Variants in PAK5 observed in about 807,000 individuals in gnomAD.
The protein encoded by PAK5 is p21 (RAC1) activated kinase 5.
Under a neutral mutation model 65.9 loss-of-function variants are expected in PAK5, and 16 were observed. The observed-to-expected ratio is 0.24, with a 90% CI of 0.16 to 0.37. PAK5 has a LOEUF of 0.37. PAK5 is among the 10% of genes least tolerant of loss of function. PAK5 has a pLI of 1.00. For missense variants in PAK5, 785 were observed against 903.9 expected (o/e 0.87, Z 1.69); for synonymous variants, 371 against 354.9 (o/e 1.05, Z -0.51).
At chr20:9,745,578 A>C (rs1017791577) in intron 1 of PAK5, among the ~76,000 whole-genome samples, 2 of 152,092 alleles carry the variant, frequency 1.3e-5, no homozygotes, top group Non-Finnish European at 2.9e-5. Flanking sequence ...TGGGTACTCT[A>C]TATTATTTTC....
At chr20:9,656,371 T>C (rs1407549136) in intron 2 of PAK5, among the ~76,000 whole-genome samples, 6 of 152,068 alleles carry the variant, frequency 3.9e-5, no homozygotes. Flanking sequence ...ATCAGCAGCA[T>C]GTGACAGGAA....
intron 1 of PAK5, among the ~76,000 whole-genome samples, chr20:9,769,869 G>A (rs2048813303): frequency 6.6e-6 from 1 of 152,216 alleles, no homozygotes; most frequent in African/African-American, 2.4e-5. Flanking sequence ...TATAGAGAAA[G>A]GAGCTCTTTA....
At chr20:9,703,482 G>T (rs545339584) in intron 2 of PAK5, among the ~76,000 whole-genome samples, 1 of 152,256 alleles carries the variant, frequency 6.6e-6, no homozygotes, top group East Asian at 1.9e-4. Context: ...GCTGTGCAGG[G>T]GATTGAGGCC....
intron 3 of PAK5, among the ~76,000 whole-genome samples, chr20:9,605,111 G>A (rs2046429241): frequency 6.6e-6 from 1 of 152,184 alleles, no homozygotes; most frequent in Admixed American, 6.5e-5. Context: ...TAATGCTGTG[G>A]GCAACTGGGC....
Position 9,717,636 on chromosome 20 carries a change from C to A in PAK5, c.-161-6201G>T, listed in dbSNP as rs184908189. Among the ~76,000 whole-genome samples the A allele has an allele frequency of 6.2e-4, 95 of 152,200 alleles. 1 individual carries two copies. The highest frequency in any genetic ancestry group is 2.2e-3 in the African/African-American group (93 of 41,534). On this transcript the variant is annotated intron_variant, in intron 1 of 9. Transcript: ENST00000353224. ...TCTTGTTTTGTTTTGTTTTTGAGAC[C>A]AAGGACCAAGTCTCATTCTGTTGCC... is the stretch of plus-strand genomic sequence containing the variant.
intron 1 of PAK5, among the ~76,000 whole-genome samples, chr20:9,748,649 G>C (rs1489921401): frequency 6.6e-6 from 1 of 152,048 alleles, no homozygotes; most frequent in Non-Finnish European, 1.5e-5. Context: ...CAAATCTTAA[G>C]TGTATGGCTC....
chr20:9,640,899 A>G (rs1396051000), intron 3 of PAK5, among the ~76,000 whole-genome samples: 2 of 152,220 alleles, frequency 1.3e-5, no homozygotes, highest in East Asian at 3.9e-4. Flanking sequence ...GTGGCCCCGA[A>G]GAGTGAGCAG....
chr20:9,715,505 A>C (rs983065226), intron 1 of PAK5, among the ~76,000 whole-genome samples: 1 of 152,178 alleles, frequency 6.6e-6, no homozygotes, highest in South Asian at 2.1e-4. Context: ...TCAGGGATCT[A>C]GAACTAGAAA....
At position 9,542,246 on chromosome 20, in the gene PAK5, G is replaced by A. The variant is rs148343366; in HGVS notation, c.2004+340C>T. Among the ~76,000 whole-genome samples, 521 of 152,166 alleles carry A rather than the reference G, an allele frequency of 3.4e-3. 2 individuals are homozygous for A. The highest frequency in any genetic ancestry group is 0.012 in the African/African-American group (504 of 41,522). ...AGTCAGAAAAGCTGGGGTCATGCAC[G>A]GTGACATCCCAAGCTATTAGATGTC... On this transcript the variant is annotated intron_variant, in intron 9 of 9. Coordinates refer to ENST00000353224, the MANE Select transcript of PAK5 (RefSeq NM_177990.4).
rs544678417 is a variant in PAK5, at chr20:9,799,095, G to C, written c.-162+39667C>G. ...GAATAAAAACTAGATAAGTAGTGAA[G>C]TCATCCTTTATAGATATCTATCTCA... is the stretch of plus-strand genomic sequence containing the variant. On this transcript the variant is annotated intron_variant, in intron 1 of 9. Transcript: ENST00000353224. 7.2e-5 allele frequency among the ~76,000 whole-genome samples: 11 copies of C among 152,244 alleles called. No individual in the cohort carries two copies. The South Asian group carries it at 1.9e-3, about 26-fold the overall frequency.
intron 1 of PAK5, among the ~76,000 whole-genome samples, chr20:9,774,440 T>C (rs1175539426): frequency 6.6e-6 from 1 of 152,158 alleles, no homozygotes; most frequent in African/African-American, 2.4e-5. Flanking sequence ...AGTATAAAAA[T>C]AGAACAACCA....
At chr20:9,700,811 C>T (rs1451276318) in intron 2 of PAK5, among the ~76,000 whole-genome samples, 4 of 152,166 alleles carry the variant, frequency 2.6e-5, no homozygotes, top group Non-Finnish European at 5.9e-5. Flanking sequence ...AACTTGTCTG[C>T]AGGCTAGATT....
chr20:9,711,634 T>G (rs1350856477), intron 1 of PAK5, among the ~76,000 whole-genome samples, 199 bp from the exon 2 acceptor site: 1 of 152,208 alleles, frequency 6.6e-6, no homozygotes, highest in Non-Finnish European at 1.5e-5. Flanking sequence ...TAGACTCCTC[T>G]TAGTACCTTG....
Position 9,567,682 on chromosome 20 carries a change from G to A in PAK5, c.991-1298C>T, listed in dbSNP as rs146286681. Among the ~76,000 whole-genome samples, 337 of 152,330 alleles carry A rather than the reference G, an allele frequency of 2.2e-3. 1 individual carries two copies. Among genetic ancestry groups the A allele is most frequent in the African/African-American group, 7.9e-3 (329 of 41,566 alleles). On this transcript the variant is annotated intron_variant, in intron 4 of 9. Transcript: ENST00000353224. Reference sequence around the variant, plus strand: ...GTGCTATGCACTGTTTTAGGTGTGAGGGGGAGGGTCCACCAACAGTCAAAA... The same window carrying A: ...GTGCTATGCACTGTTTTAGGTGTGAAGGGGAGGGTCCACCAACAGTCAAAA...
chr20:9,743,855 A>G (rs1205033428), intron 1 of PAK5, among the ~76,000 whole-genome samples: 1 of 152,208 alleles, frequency 6.6e-6, no homozygotes, highest in Non-Finnish European at 1.5e-5. Context: ...TTTACCTTAC[A>G]TGGCAAAAAC....
intron 1 of PAK5, among the ~76,000 whole-genome samples, chr20:9,828,476 C>T (rs1978452940): frequency 6.6e-6 from 1 of 152,152 alleles, no homozygotes; most frequent in African/African-American, 2.4e-5. Context: ...ATCATACCCA[C>T]ATAGCAACTG....
chr20:9,617,234 G>A (rs941497605), intron 3 of PAK5, among the ~76,000 whole-genome samples: 2 of 152,156 alleles, frequency 1.3e-5, no homozygotes, highest in Non-Finnish European at 2.9e-5. Flanking sequence ...ACTTTTCAGG[G>A]ACACTAGGTG....
chr20:9,791,477 G>A (rs1320760273), intron 1 of PAK5, among the ~76,000 whole-genome samples: 4 of 152,016 alleles, frequency 2.6e-5, no homozygotes, highest in East Asian at 3.9e-4. Context: ...CCCCTCACCC[G>A]ACAATGTCTT....
At position 9,594,923 on chromosome 20, in the gene PAK5, T is replaced by C. The variant is rs565581119; in HGVS notation, c.205-13993A>G. Among the ~76,000 whole-genome samples the C allele has an allele frequency of 2.6e-5, 4 of 152,266 alleles. No homozygotes were observed. The South Asian group carries it at 8.3e-4, about 32-fold the overall frequency. ...TTTCAACTCAATAAGGATTTTAAAA[T>C]CAGTCCATTCCCTCTGTGTATATAT... On this transcript the variant is annotated intron_variant, in intron 3 of 9. Coordinates refer to ENST00000353224, the MANE Select transcript of PAK5 (RefSeq NM_177990.4).
Sources: allele counts gnomAD v4.1 joint callset (sites outside exome capture counted in the v4.1 genomes callset), GRCh38; gene constraint gnomAD v4.1.1; transcripts MANE v1.5; gene names NCBI Gene and HGNC (gene_info 2026-07-23, HGNC 2026-07-21).